SLCO1B3: variants seen among roughly 807,000 people sequenced by gnomAD.
SLCO1B3 encodes the protein liver-specific organic anion transporter 2.
Under a neutral mutation model 71.8 loss-of-function variants are expected in SLCO1B3, and 72 were observed. That is an observed-to-expected ratio of 1.00 (90% CI 0.83 to 1.22). The LOEUF (loss-of-function observed/expected upper bound fraction) is 1.22, where lower values mean the gene tolerates loss of function less well. Among genes scored for constraint, SLCO1B3 ranks in the 50% most tolerant of loss-of-function variants. The probability of loss-of-function intolerance (pLI) is 0.00; values close to 1 mark genes in which losing one functional copy is unlikely to be tolerated. For synonymous variants in SLCO1B3, 298 were observed against 278.4 expected (o/e 1.07, Z -0.70); for missense variants, 911 against 819.7 (o/e 1.11, Z -1.36).
At chr12:20,911,530 A>G (rs572467110) in intron 15 of SLCO1B3, among the ~76,000 whole-genome samples, 2 of 152,234 alleles carry the variant, frequency 1.3e-5, no homozygotes, top group Admixed American at 1.3e-4. Context: ...ATTCTTACTT[A>G]AGTGTTTTAT....
At chr12:20,897,188 C>A (rs952335997) in intron 13 of SLCO1B3, among the ~76,000 whole-genome samples, 1 of 152,206 alleles carries the variant, frequency 6.6e-6, no homozygotes. Flanking sequence ...TGCTGCTGTC[C>A]TTTGTCAAAG....
At chr12:20,895,407 A>G (rs1865985634) in intron 13 of SLCO1B3, among the ~76,000 whole-genome samples, 1 of 152,184 alleles carries the variant, frequency 6.6e-6, no homozygotes, top group African/African-American at 2.4e-5. Context: ...GGGTAAATAC[A>G]GCCTTTCCAA....
chr12:20,885,892 GAGA>G (rs1439510278), intron 13 of SLCO1B3, among the ~76,000 whole-genome samples: 2 of 152,044 alleles, frequency 1.3e-5, no homozygotes, highest in Non-Finnish European at 2.9e-5. Context: ...AGGCTTACCT[GAGA>G]AGATCACTCT....
chr12:20,817,803 G>C (rs111859320), intron 3 of SLCO1B3, among the ~76,000 whole-genome samples: 18,925 of 151,812 alleles, frequency 0.12, 1,268 homozygotes, highest in Middle Eastern at 0.18. Flanking sequence ...TGTTAGCCAG[G>C]ATGGTCTCGA....
chr12:20,865,798 G>C (rs1254329530), intron 8 of SLCO1B3, among the ~76,000 whole-genome samples: 1 of 151,958 alleles, frequency 6.6e-6, no homozygotes, highest in African/African-American at 2.4e-5. Flanking sequence ...GTTAAAATTT[G>C]TTAAACTTTA....
chr12:20,853,953 T>TTTTTTTTTTTTGAGACGGAGTCTCG (rs1407605243), intron 3 of SLCO1B3, among the ~76,000 whole-genome samples: 1 of 151,778 alleles, frequency 6.6e-6, no homozygotes. Context: ...TTCTTGTTAT[T>TTTTTTTTTTTTGAGACGGAGTCTCG]CCTCCTTTGA....
chr12:20,900,902 G>A (rs1035736816), intron 14 of SLCO1B3, among the ~76,000 whole-genome samples: 5 of 152,124 alleles, frequency 3.3e-5, no homozygotes, highest in African/African-American at 1.2e-4. Context: ...AAAATCTCCT[G>A]CCTTTACAGC....
intron 13 of SLCO1B3, among the ~76,000 whole-genome samples, chr12:20,889,023 G>A (rs963281676): frequency 6.7e-6 from 1 of 150,156 alleles, no homozygotes; most frequent in East Asian, 2.0e-4. Flanking sequence ...AACCATCCTT[G>A]CATTTCAGGA....
At chr12:20,815,505 C>G (rs2121069177) in intron 2 of SLCO1B3, among the ~76,000 whole-genome samples, 169 bp from the exon 3 acceptor site, 1 of 152,258 alleles carries the variant, frequency 6.6e-6, no homozygotes, top group East Asian at 1.9e-4. Flanking sequence ...TTGTCTCTGT[C>G]TTTCCTCCTC....
In SLCO1B3 at chr12:20,892,392, G is replaced by A. The variant is rs138072878; in HGVS notation, c.1683-6044G>A. Among the ~76,000 whole-genome samples the A allele has an allele frequency of 4.9e-3, 745 of 152,238 alleles. 9 individuals carry two copies. Among genetic ancestry groups the A allele is most frequent in the African/African-American group, 0.016 (685 of 41,558 alleles). On this transcript the variant is annotated intron_variant, in intron 13 of 15. Coordinates refer to ENST00000381545, the MANE Select transcript of SLCO1B3 (RefSeq NM_019844.4). ...GACAAAAGTTGTGGTTGATAGCAAA[G>A]TTGTGGAATAAAACTTCTGTTTATG...
chr12:20,811,271 A>C (rs1407278750), intron 1 of SLCO1B3, among the ~76,000 whole-genome samples: 1 of 152,134 alleles, frequency 6.6e-6, no homozygotes, highest in Non-Finnish European at 1.5e-5. Context: ...GGGTGAGGGG[A>C]AAGAGATTTT....
chr12:20,819,928 G>A (rs1378692452), intron 3 of SLCO1B3, among the ~76,000 whole-genome samples: 1 of 152,126 alleles, frequency 6.6e-6, no homozygotes, highest in Non-Finnish European at 1.5e-5. Flanking sequence ...ATGAGATGCG[G>A]CTGTAGTCCA....
intron 2 of SLCO1B3, among the ~76,000 whole-genome samples, chr12:20,814,137 C>T (rs568676326): frequency 6.6e-6 from 1 of 152,020 alleles, no homozygotes; most frequent in Non-Finnish European, 1.5e-5. Context: ...ACTTTATATA[C>T]ATAAATATGT....
intron 3 of SLCO1B3, 70 bp downstream of exon 3, chr12:20,815,892 A>G: frequency 1.1e-6 from 1 of 906,880 alleles, no homozygotes; most frequent in Non-Finnish European, 1.7e-6. Flanking sequence ...AAAGGCCACT[A>G]ACTGTCAAAA....
At chr12:20,849,154 A>G (rs764086432) in intron 3 of SLCO1B3, among the ~76,000 whole-genome samples, 1 of 152,020 alleles carries the variant, frequency 6.6e-6, no homozygotes, top group Non-Finnish European at 1.5e-5. Flanking sequence ...TATTAAGTAT[A>G]TTAAAAAATT....
At chr12:20,822,124 G>C (rs1437282302) in intron 3 of SLCO1B3, among the ~76,000 whole-genome samples, 2 of 152,208 alleles carry the variant, frequency 1.3e-5, no homozygotes, top group Non-Finnish European at 2.9e-5. Flanking sequence ...GGAGCAAAGA[G>C]CAGGAGGACG....
Position 20,862,872 on chromosome 12 carries a change from A to G in SLCO1B3, c.727+18A>G, listed in dbSNP as rs957243363. The G allele has an allele frequency of 5.8e-6, 8 of 1,380,830 alleles. No homozygotes were observed. In the African/African-American group the frequency reaches 1.1e-4, roughly 19 times the overall value. 85.5% of individuals were successfully genotyped at this position (1,380,830 alleles called of 1,614,324 possible). A position where few individuals can be genotyped will look rare whatever the true frequency, so the allele number is the denominator to read the frequency against. On this transcript the variant is annotated intron_variant, in intron 8 of 15. Coordinates refer to ENST00000381545, the MANE Select transcript of SLCO1B3 (RefSeq NM_019844.4). ...AGATCTGAGTAAGTACAATTAGAAC[A>G]AGGTACCATGATAGTGTCTTTTAAG...
chr12:20,857,637 AT>A (rs200644037), intron 4 of SLCO1B3, among the ~76,000 whole-genome samples: 1 of 151,760 alleles, frequency 6.6e-6, no homozygotes, highest in Non-Finnish European at 1.5e-5. Context: ...TACTAACAGG[AT>A]TTTTTTTAAA....
Position 20,855,097 on chromosome 12 carries a change from AT to A in SLCO1B3, c.155del (p.Ile52ThrfsTer4), listed in dbSNP as rs781282589. 2 of 1,612,072 alleles carry A rather than the reference AT, an allele frequency of 1.2e-6. No individual in the cohort carries two copies. The highest frequency in any genetic ancestry group is 1.7e-6 in the Non-Finnish European group (2 of 1,179,138). ...AGGTGGAATCATTATGAAAATTTCCATCACTCAAATAGAAAGGAGATTTGAC... is the reference window on the plus strand; with the variant it reads ...AGGTGGAATCATTATGAAAATTTCCACACTCAAATAGAAAGGAGATTTGAC... Reference protein sequence around the residue: ...ALGGIIMKISITQIERRFDIS... With the variant: ...ALGGIIMKISXTQIERRFDIS... On this transcript the variant is annotated frameshift_variant, in exon 4 of 16. Coordinates refer to ENST00000381545, the MANE Select transcript of SLCO1B3 (RefSeq NM_019844.4). LOFTEE classifies it high-confidence loss of function.
Sources: gnomAD v4.1 joint callset for allele counts (sites outside exome capture counted in the v4.1 genomes callset) on GRCh38, gnomAD v4.1.1 for gene constraint, MANE v1.5 for transcripts, NCBI Gene and HGNC (gene_info 2026-07-23, HGNC 2026-07-21) for gene names.